The following DNM3 variants were observed in gnomAD, a reference collection of about 807,000 sequenced individuals.
DNM3 encodes the protein dynamin 3.
In DNM3, 47 loss-of-function variants were observed where a neutral mutation model predicts 101.6. That is an observed-to-expected ratio of 0.46 (90% CI 0.37 to 0.59). The LOEUF (loss-of-function observed/expected upper bound fraction) is 0.59. Ranked by LOEUF, DNM3 falls within the 20% of genes least tolerant of loss-of-function variation. The pLI is 0.00. For synonymous variants in DNM3, 385 were observed against 387.9 expected (o/e 0.99, Z 0.09); for missense variants, 849 against 1,085.7 (o/e 0.78, Z 3.06).
chr1:171,896,529 C>T (rs1001266878), intron 1 of DNM3, among the ~76,000 whole-genome samples: 7 of 152,124 alleles, frequency 4.6e-5, no homozygotes, highest in Admixed American at 3.3e-4. Flanking sequence ...AGTTGCTTAT[C>T]AGCTTAAGGA....
At chr1:171,916,200 A>C (rs2180746) in intron 1 of DNM3, among the ~76,000 whole-genome samples, 51,934 of 152,048 alleles carry the variant, frequency 0.34, 9,202 homozygotes, top group East Asian at 0.5. Flanking sequence ...TTTGAGTCCC[A>C]TATGTCACTT....
intron 1 of DNM3, among the ~76,000 whole-genome samples, chr1:171,899,091 TTTG>T (rs2125218539): frequency 6.6e-6 from 1 of 152,272 alleles, no homozygotes; most frequent in Admixed American, 6.5e-5. Flanking sequence ...CTGAGGCCTG[TTTG>T]TTGTTAGCCC....
At chr1:171,896,176 G>A (rs1041174124) in intron 1 of DNM3, among the ~76,000 whole-genome samples, 37 of 151,912 alleles carry the variant, frequency 2.4e-4, no homozygotes, top group Admixed American at 1.5e-3. Flanking sequence ...TTCTGTGAAG[G>A]AAGTCATTGG....
At chr1:172,320,010 A>G (rs1429719446) in intron 16 of DNM3, among the ~76,000 whole-genome samples, 1 of 151,954 alleles carries the variant, frequency 6.6e-6, no homozygotes, top group South Asian at 2.1e-4. Flanking sequence ...AGACTGGATT[A>G]AGAAAATGTG....
chr1:171,893,296 A>G (rs2037460549), intron 1 of DNM3, among the ~76,000 whole-genome samples: 1 of 152,152 alleles, frequency 6.6e-6, no homozygotes, highest in Non-Finnish European at 1.5e-5. Flanking sequence ...GCCTTGTGCC[A>G]TGTATTTGCC....
chr1:172,377,025 C>T (rs990598913), intron 17 of DNM3, among the ~76,000 whole-genome samples: 2 of 152,008 alleles, frequency 1.3e-5, no homozygotes, highest in African/African-American at 4.8e-5. Flanking sequence ...CCTGGTGTTT[C>T]ATATTCCTCG....
chr1:172,332,062 G>A (rs962270614), intron 17 of DNM3, among the ~76,000 whole-genome samples: 2 of 152,130 alleles, frequency 1.3e-5, no homozygotes, highest in Admixed American at 6.5e-5. Context: ...TTGGGTCTTA[G>A]ACAATGGGTA....
At chr1:171,880,116 G>C (rs1290746811) in intron 1 of DNM3, among the ~76,000 whole-genome samples, 15 of 152,228 alleles carry the variant, frequency 9.9e-5, no homozygotes, top group Admixed American at 9.8e-4. Context: ...CAGAAGTTGA[G>C]CTGGCCAATG....
chr1:171,988,811 C>T lies in DNM3; in HGVS notation c.386-134C>T. ...AGCAAAACCATTTTTATTTTATGCT[C>T]TTTATTCTACACACATGGGTTGGAG... is the stretch of plus-strand genomic sequence containing the variant. On this transcript the variant is annotated intron_variant, in intron 3 of 20. Coordinates refer to ENST00000627582, the MANE Select transcript of DNM3 (RefSeq NM_015569.5). 3 of 683,276 alleles carry T rather than the reference C, an allele frequency of 4.4e-6. 1 individual carries two copies. The highest frequency in any genetic ancestry group is 7.0e-6 in the Non-Finnish European group (3 of 429,530). The allele number at this position is 683,276 out of a possible 1,614,324, so 42.3% of individuals were successfully genotyped here.
At chr1:172,270,544 A>C (rs1349658675) in intron 15 of DNM3, among the ~76,000 whole-genome samples, 4 of 152,160 alleles carry the variant, frequency 2.6e-5, no homozygotes, top group Non-Finnish European at 2.9e-5. Context: ...TATATTCCTT[A>C]CACATAAATT....
At chr1:172,031,369 G>T (rs1359391145) in intron 4 of DNM3, among the ~76,000 whole-genome samples, 2 of 152,258 alleles carry the variant, frequency 1.3e-5, no homozygotes, top group Middle Eastern at 3.4e-3. Flanking sequence ...ATGGACACAG[G>T]GAGGGGAACA....
intron 20 of DNM3, among the ~76,000 whole-genome samples, chr1:172,418,053 T>C (rs948077928): frequency 6.6e-6 from 1 of 152,348 alleles, no homozygotes. Context: ...ACCTAGAACA[T>C]TGCTAGTAGC....
intron 17 of DNM3, among the ~76,000 whole-genome samples, chr1:172,343,018 A>C (rs1239484311): frequency 6.6e-6 from 1 of 152,230 alleles, no homozygotes; most frequent in African/African-American, 2.4e-5. Context: ...GTTTTATCAC[A>C]GATCAGGCCT....
chr1:172,083,012 C>T (rs922982281), intron 12 of DNM3, among the ~76,000 whole-genome samples: 1 of 152,318 alleles, frequency 6.6e-6, no homozygotes, highest in East Asian at 1.9e-4. Flanking sequence ...TAAATATGTG[C>T]CCTAGTCTAG....
At chr1:172,089,775 A>C (rs1395784742) in intron 12 of DNM3, among the ~76,000 whole-genome samples, 1 of 152,226 alleles carries the variant, frequency 6.6e-6, no homozygotes, top group African/African-American at 2.4e-5. Context: ...ATTATTTCAC[A>C]GATGGAAACT....
chr1:171,897,653 A>G (rs1323361229), intron 1 of DNM3, among the ~76,000 whole-genome samples: 1 of 152,210 alleles, frequency 6.6e-6, no homozygotes, highest in Non-Finnish European at 1.5e-5. Context: ...AAATAAATAA[A>G]AAAAAGAATC....
intron 13 of DNM3, among the ~76,000 whole-genome samples, chr1:172,108,877 G>A (rs2055254529): frequency 6.6e-6 from 1 of 152,232 alleles, no homozygotes; most frequent in Admixed American, 6.5e-5. Flanking sequence ...CAGATTATTA[G>A]CTGTACTACC....
chr1:172,408,279 C>G lies in DNM3; in HGVS notation c.*438C>G. The G allele has an allele frequency of 1.0e-6, 1 of 989,700 alleles. No homozygotes were observed. The highest frequency in any genetic ancestry group is 1.2e-6 in the Non-Finnish European group (1 of 832,420). The allele number at this position is 989,700 out of a possible 1,614,324, so 61.3% of individuals were successfully genotyped here. On this transcript the variant is annotated 3_prime_UTR_variant, in exon 21 of 21. Transcript: ENST00000627582. ...AGGATGACAGTAATTCTGTTGTCTA[C>G]CATTAATGCTACTACCTACTCCATA...
At chr1:172,195,502 C>T (rs2059914455) in intron 14 of DNM3, among the ~76,000 whole-genome samples, 1 of 151,830 alleles carries the variant, frequency 6.6e-6, no homozygotes, top group Non-Finnish European at 1.5e-5. Flanking sequence ...CCCTCTTCCT[C>T]ATCTCATGGT....
Sources: allele counts gnomAD v4.1 joint callset (sites outside exome capture counted in the v4.1 genomes callset), GRCh38; gene constraint gnomAD v4.1.1; transcripts MANE v1.5; gene names NCBI Gene and HGNC (gene_info 2026-07-23, HGNC 2026-07-21).